Variants in MEGF11 observed in about 807,000 individuals in gnomAD.
MEGF11 encodes multiple epidermal growth factor-like domains protein 11.
Under a neutral mutation model 146.6 loss-of-function variants are expected in MEGF11, and 126 were observed. The observed-to-expected ratio is 0.86, with a 90% CI of 0.74 to 1.00. The LOEUF (loss-of-function observed/expected upper bound fraction) is 1.00, where lower values mean the gene tolerates loss of function less well. Ranked by LOEUF, MEGF11 falls within the 50% of genes least tolerant of loss-of-function variation. The probability of loss-of-function intolerance (pLI) is 0.00; values close to 1 mark genes in which losing one functional copy is unlikely to be tolerated. For missense variants in MEGF11, 1,509 were observed against 1,521.2 expected (o/e 0.99, Z 0.13); for synonymous variants, 532 against 583.4 (o/e 0.91, Z 1.27).
At chr15:66,047,647 G>A (rs1336303863) in intron 5 of MEGF11, among the ~76,000 whole-genome samples, 1 of 152,072 alleles carries the variant, frequency 6.6e-6, no homozygotes, top group Non-Finnish European at 1.5e-5. Context: ...CTTTTTCCCT[G>A]GCCCACAAAC....
chr15:65,956,389 T>C (rs778394621), intron 10 of MEGF11, among the ~76,000 whole-genome samples: 2 of 152,218 alleles, frequency 1.3e-5, no homozygotes, highest in Non-Finnish European at 2.9e-5. Context: ...AGAAGCCTGC[T>C]AGAATGCACT....
intron 5 of MEGF11, among the ~76,000 whole-genome samples, chr15:66,011,277 G>A (rs1379073405): frequency 6.6e-6 from 1 of 152,172 alleles, no homozygotes; most frequent in African/African-American, 2.4e-5. Flanking sequence ...GGGAGTGGGA[G>A]GCAGGTCAAA....
chr15:65,917,010 G>C (rs1289557723), intron 16 of MEGF11, 54 bp from the exon 17 acceptor site: 1 of 1,436,378 alleles, frequency 7.0e-7, no homozygotes, highest in African/African-American at 1.5e-5. Context: ...GGGGCAGACG[G>C]AGAGGGAGAA....
chr15:66,066,692 G>A (rs1292801798), intron 5 of MEGF11, among the ~76,000 whole-genome samples: 1 of 152,220 alleles, frequency 6.6e-6, no homozygotes, highest in African/African-American at 2.4e-5. Context: ...GGGGGGCTGG[G>A]AGGTCTCTGG....
chr15:66,216,071 C>T (rs1422849709), intron 1 of MEGF11, among the ~76,000 whole-genome samples: 1 of 152,120 alleles, frequency 6.6e-6, no homozygotes, highest in Non-Finnish European at 1.5e-5. Context: ...AACAGGCGCT[C>T]AGGCTGGAAA....
chr15:65,973,620 A>C (rs1251609818), intron 7 of MEGF11, among the ~76,000 whole-genome samples: 1 of 152,126 alleles, frequency 6.6e-6, no homozygotes, highest in Non-Finnish European at 1.5e-5. Context: ...GACACAGCCA[A>C]ATCCCGTGTC....
chr15:65,896,387 A>T lies in MEGF11; in HGVS notation c.*1547T>A, dbSNP rs912170842. Reference sequence around the variant, plus strand: ...GCTTTTTCTGATTATTGCCCAAAGTATTGTGTTCCATGGCAGGCTTCCAGT... The same window carrying T: ...GCTTTTTCTGATTATTGCCCAAAGTTTTGTGTTCCATGGCAGGCTTCCAGT... On this transcript the variant is annotated 3_prime_UTR_variant, in exon 26 of 26. Transcript: ENST00000395614. The T allele has an allele frequency of 6.6e-6, 1 of 152,586 alleles. No individual in the cohort carries two copies. Among genetic ancestry groups the T allele is most frequent in the Non-Finnish European group, 1.5e-5 (1 of 68,022 alleles). 9.5% of individuals were successfully genotyped at this position (152,586 alleles called of 1,614,324 possible). A position where few individuals can be genotyped will look rare whatever the true frequency, so the allele number is the denominator to read the frequency against.
intron 13 of MEGF11, 97 bp from the exon 14 acceptor site, chr15:65,923,066 G>T: frequency 7.4e-7 from 1 of 1,343,862 alleles, no homozygotes; most frequent in Non-Finnish European, 1.0e-6. Flanking sequence ...AGAGGTGGAG[G>T]CAAGCATAGT....
chr15:66,004,366 G>A (rs916612177), intron 5 of MEGF11, among the ~76,000 whole-genome samples: 1 of 152,202 alleles, frequency 6.6e-6, no homozygotes, highest in African/African-American at 2.4e-5. Flanking sequence ...GGGAGAAAGA[G>A]AGGGAGGATA....
intron 5 of MEGF11, among the ~76,000 whole-genome samples, chr15:66,085,999 C>G (rs994751238): frequency 1.3e-5 from 2 of 152,092 alleles, no homozygotes; most frequent in African/African-American, 4.8e-5. Flanking sequence ...ACTTTGAGCA[C>G]ACTTTTAGAA....
chr15:65,905,830 T>C (rs1039767223), intron 24 of MEGF11: 4 of 393,058 alleles, frequency 1.0e-5, no homozygotes, highest in Non-Finnish European at 1.8e-5. Flanking sequence ...AGACATTTAG[T>C]TGGCATCTAT....
intron 4 of MEGF11, among the ~76,000 whole-genome samples, chr15:66,111,654 G>T (rs1399196090): frequency 3.9e-5 from 6 of 152,132 alleles, no homozygotes; most frequent in African/African-American, 1.4e-4. Flanking sequence ...ATGTAGGGGG[G>T]ATTTGAACAT....
chr15:66,018,344 A>G (rs1475081349), intron 5 of MEGF11, among the ~76,000 whole-genome samples: 1 of 152,168 alleles, frequency 6.6e-6, no homozygotes, highest in Non-Finnish European at 1.5e-5. Context: ...GCTCTTCAGG[A>G]GAAGTGACAC....
chr15:66,076,192 G>C (rs2085571070), intron 5 of MEGF11, among the ~76,000 whole-genome samples: 1 of 142,456 alleles, frequency 7.0e-6, no homozygotes, highest in East Asian at 2.0e-4. Context: ...TGAATGGTTG[G>C]ACTGACAGAC....
intron 11 of MEGF11, 133 bp downstream of exon 11, chr15:65,930,690 C>A (rs993720541): frequency 4.3e-6 from 5 of 1,149,662 alleles, no homozygotes; most frequent in Non-Finnish European, 5.9e-6. Context: ...GGAACCCAAC[C>A]AATATAGGCT....
intron 8 of MEGF11, 119 bp downstream of exon 8, chr15:65,970,434 T>G: frequency 8.8e-7 from 1 of 1,141,090 alleles, no homozygotes; most frequent in Non-Finnish European, 1.2e-6. Flanking sequence ...GAGCTCAGAG[T>G]GCTTTCTGAG....
Position 65,939,554 on chromosome 15 carries a change from T to G in MEGF11, c.1288-8611A>C, listed in dbSNP as rs141554253. ...CTGTCGCCCAGGCTGGAGTGCAATG[T>G]TGCAATCTCAGCTCACGGTAACCTC... On this transcript the variant is annotated intron_variant, in intron 10 of 25. Coordinates refer to ENST00000395614, the MANE Select transcript of MEGF11 (RefSeq NM_001385028.1). Among the ~76,000 whole-genome samples, 13 of 150,874 alleles carry G rather than the reference T, an allele frequency of 8.6e-5. No individual in the cohort carries two copies. In the East Asian group the frequency reaches 2.5e-3, roughly 29 times the overall value.
chr15:66,132,445 G>A (rs1253684500), intron 1 of MEGF11, among the ~76,000 whole-genome samples: 1 of 152,182 alleles, frequency 6.6e-6, no homozygotes, highest in Admixed American at 6.5e-5. Context: ...CTGGAGCCTG[G>A]AGCCTGGCCA....
At chr15:66,092,699 C>T (rs749635536) in intron 5 of MEGF11, among the ~76,000 whole-genome samples, 13 of 152,324 alleles carry the variant, frequency 8.5e-5, no homozygotes, top group South Asian at 2.1e-4. Flanking sequence ...GCCCTCCCCA[C>T]GGCCCAGCAC....
Sources: allele counts gnomAD v4.1 joint callset (sites outside exome capture counted in the v4.1 genomes callset), GRCh38; gene constraint gnomAD v4.1.1; transcripts MANE v1.5; gene names NCBI Gene and HGNC (gene_info 2026-07-23, HGNC 2026-07-21).